BCL7A: variants seen among roughly 807,000 people sequenced by gnomAD.
BCL7A encodes the protein BAF chromatin remodeling complex subunit BCL7A.
In BCL7A, 11 loss-of-function variants were observed where a neutral mutation model predicts 28.4. That is an observed-to-expected ratio of 0.39 (90% CI 0.24 to 0.64). The LOEUF is 0.64. Among genes scored for constraint, BCL7A ranks in the 30% least tolerant of loss-of-function variants. The pLI is 0.50. For missense variants in BCL7A, 222 were observed against 274.8 expected, an observed-to-expected ratio of 0.81 and a Z score of 1.36; for synonymous variants, 123 against 103.3, an observed-to-expected ratio of 1.19 and a Z score of -1.15.
chr12:122,039,087 G>C (rs940600336), intron 3 of BCL7A, among the ~76,000 whole-genome samples: 1 of 151,976 alleles, frequency 6.6e-6, no homozygotes, highest in African/African-American at 2.4e-5. Flanking sequence ...ATGAGGTTGG[G>C]AGATCGAGAC....
chr12:122,048,104 T>C (rs1884113913), intron 4 of BCL7A, among the ~76,000 whole-genome samples: 1 of 151,966 alleles, frequency 6.6e-6, no homozygotes, highest in South Asian at 2.1e-4. Flanking sequence ...GGTTTCTCCA[T>C]GTTGGTCAGG....
chr12:122,039,082 G>T (rs1234408467), intron 3 of BCL7A, among the ~76,000 whole-genome samples: 2 of 151,980 alleles, frequency 1.3e-5, no homozygotes, highest in African/African-American at 4.8e-5. Context: ...AGATCATGAG[G>T]TTGGGAGATC....
intron 1 of BCL7A, among the ~76,000 whole-genome samples, chr12:122,022,609 GC>G: frequency 6.9e-6 from 1 of 145,714 alleles, no homozygotes; most frequent in Non-Finnish European, 1.5e-5. Context: ...GAGAGCGCGA[GC>G]TCCATTGTGC....
intron 2 of BCL7A, 97 bp downstream of exon 2, chr12:122,030,878 G>A: frequency 1.5e-6 from 2 of 1,297,098 alleles, no homozygotes; most frequent in Non-Finnish European, 1.1e-6. Context: ...CCGTGCTGGG[G>A]CTCTGGGACC....
At chr12:122,052,194 TAAAA>T (rs201865031) in intron 4 of BCL7A, among the ~76,000 whole-genome samples, 5 of 149,694 alleles carry the variant, frequency 3.3e-5, no homozygotes, top group Non-Finnish European at 7.4e-5. Context: ...CCCTCTCTTT[TAAAA>T]AAAAAAAATA....
intron 4 of BCL7A, among the ~76,000 whole-genome samples, chr12:122,049,017 T>TAA (rs60471036): frequency 2.2e-5 from 2 of 90,404 alleles, no homozygotes; most frequent in Non-Finnish European, 4.1e-5. Flanking sequence ...GTGAAACGTG[T>TAA]AAAAAAAAAA....
In BCL7A at chr12:122,044,007, G is replaced by C. The variant is rs766450245; in HGVS notation, c.393G>C (p.Lys131Asn). 3.7e-6 allele frequency: 6 copies of C among 1,613,884 alleles called. No individual in the cohort carries two copies. The highest frequency in any genetic ancestry group is 1.7e-5 in the Admixed American group (1 of 59,986). The stretch of plus-strand genomic sequence containing the variant: ...TGCCCAGCGACGGCACCGAGGCCAA[G>C]GTGGATGAGGCCCAGGCTGATGGGA... ...SAVPSDGTEA[K>N]VDEAQADGKE... The change falls in exon 4 of 6, where the codon AAG becomes AAC. Residue 131 changes from lysine to asparagine, a missense_variant. Transcript: ENST00000261822.
intron 2 of BCL7A, among the ~76,000 whole-genome samples, chr12:122,033,358 G>T (rs1883781970): frequency 6.6e-6 from 1 of 152,010 alleles, no homozygotes; most frequent in Admixed American, 6.6e-5. Flanking sequence ...TCTGTTGCCA[G>T]ACTGGAGTGC....
chr12:122,043,905 C>T lies in BCL7A; in HGVS notation c.291C>T (p.Ser97=). ...CTACAGACGATAACAGCAACCAGAG[C>T]TCCATCGCAGATGCCTCCCCCATCA... is the stretch of plus-strand genomic sequence containing the variant. ...MDMHDDNSNQ[S]SIADASPIKQ... The change falls in exon 4 of 6, where the codon AGC becomes AGT. Residue 97 remains serine, a synonymous_variant. Transcript: ENST00000261822. The T allele has an allele frequency of 6.2e-7, 1 of 1,613,684 alleles. No individual in the cohort carries two copies. The highest frequency in any genetic ancestry group is 1.6e-4 in the Middle Eastern group (1 of 6,062).
At chr12:122,049,601 G>A in intron 4 of BCL7A, among the ~76,000 whole-genome samples, 1 of 152,132 alleles carries the variant, frequency 6.6e-6, no homozygotes, top group East Asian at 1.9e-4. Context: ...AGACTAGCTT[G>A]AACCCAGGAG....
intron 4 of BCL7A, among the ~76,000 whole-genome samples, chr12:122,054,484 C>T (rs1884266205): frequency 6.6e-6 from 1 of 152,228 alleles, no homozygotes; most frequent in South Asian, 2.1e-4. Context: ...TGTTGGTGCG[C>T]ACTGCGGCCG....
At chr12:122,037,666 A>T (rs896012040) in intron 3 of BCL7A, among the ~76,000 whole-genome samples, 1 of 151,706 alleles carries the variant, frequency 6.6e-6, no homozygotes, top group Non-Finnish European at 1.5e-5. Context: ...AAATACAAAC[A>T]ATGGGTGCGG....
At chr12:122,032,938 G>A (rs552381265) in intron 2 of BCL7A, among the ~76,000 whole-genome samples, 30 of 152,300 alleles carry the variant, frequency 2.0e-4, no homozygotes, top group Admixed American at 3.3e-4. Context: ...CAGCCGCTGA[G>A]TCTCTGCAGG....
At chr12:122,047,155 G>A (rs1884093663) in intron 4 of BCL7A, among the ~76,000 whole-genome samples, 1 of 151,786 alleles carries the variant, frequency 6.6e-6, no homozygotes, top group Non-Finnish European at 1.5e-5. Flanking sequence ...ACCCACCTCG[G>A]CCTCCTAAAG....
intron 4 of BCL7A, among the ~76,000 whole-genome samples, chr12:122,045,964 C>T (rs1483486266): frequency 1.4e-5 from 2 of 144,020 alleles, no homozygotes; most frequent in Non-Finnish European, 3.0e-5. Flanking sequence ...TGGCATGCGC[C>T]TGTAGTCCCA....
chr12:122,036,712 C>CTT (rs57516020), intron 3 of BCL7A, among the ~76,000 whole-genome samples: 16,688 of 145,896 alleles, frequency 0.11, 2,097 homozygotes, highest in African/African-American at 0.32. Flanking sequence ...CCTAAAGCTC[C>CTT]TTTTTTTTTT....
intron 4 of BCL7A, 149 bp downstream of exon 4, chr12:122,044,202 G>C: frequency 2.2e-6 from 2 of 921,564 alleles, no homozygotes; most frequent in Non-Finnish European, 3.1e-6. Context: ...ACATGGTCTC[G>C]TGGGGGAATT....
At chr12:122,049,225 TAAAAA>T (rs72232692) in intron 4 of BCL7A, among the ~76,000 whole-genome samples, 1 of 119,732 alleles carries the variant, frequency 8.4e-6, no homozygotes, top group Non-Finnish European at 1.7e-5. Flanking sequence ...GACCCTGTCT[TAAAAA>T]AAAAAAAAAA....
intron 4 of BCL7A, among the ~76,000 whole-genome samples, chr12:122,053,117 C>G (rs1884232360): frequency 6.6e-6 from 1 of 152,050 alleles, no homozygotes; most frequent in South Asian, 2.1e-4. Flanking sequence ...CTGCCTCAGC[C>G]TCCGAGTAAC....
Sources: gnomAD v4.1 joint callset for allele counts (sites outside exome capture counted in the v4.1 genomes callset) on GRCh38, gnomAD v4.1.1 for gene constraint, MANE v1.5 for transcripts, NCBI Gene and HGNC (gene_info 2026-07-23, HGNC 2026-07-21) for gene names.